Variants in ABCG1 observed in about 807,000 individuals in gnomAD.
ABCG1 encodes the protein ATP binding cassette subfamily G member 1.
ABCG1 carries 29 observed loss-of-function variants against 69.2 expected under a neutral mutation model. The observed-to-expected ratio is 0.42, with a 90% CI of 0.31 to 0.57. ABCG1 has a LOEUF of 0.57. ABCG1 is among the 20% of genes least tolerant of loss of function. The pLI is 0.15. For synonymous variants in ABCG1, 370 were observed against 374.8 expected (o/e 0.99, Z 0.15); for missense variants, 718 against 898.1 (o/e 0.80, Z 2.56).
chr21:42,238,340 C>T (rs963230716), intron 2 of ABCG1, among the ~76,000 whole-genome samples: 1 of 152,194 alleles, frequency 6.6e-6, no homozygotes, highest in Non-Finnish European at 1.5e-5. Flanking sequence ...ACACTCTGAG[C>T]TCTGTGCTTT....
chr21:42,285,835 G>A (rs369481181), intron 7 of ABCG1, 45 bp from the exon 8 acceptor site: 94 of 1,371,252 alleles, frequency 6.9e-5, no homozygotes, highest in Non-Finnish European at 8.2e-5. Flanking sequence ...GTTGCCTTCC[G>A]AGGAAGGCAG....
At chr21:42,237,219 C>T (rs767096459) in intron 2 of ABCG1, among the ~76,000 whole-genome samples, 1 of 152,236 alleles carries the variant, frequency 6.6e-6, no homozygotes, top group African/African-American at 2.4e-5. Flanking sequence ...TCTGAGTTGG[C>T]TAAGTCTCTA....
At chr21:42,252,208 A>G (rs1012164004) in intron 2 of ABCG1, among the ~76,000 whole-genome samples, 7 of 152,118 alleles carry the variant, frequency 4.6e-5, no homozygotes, top group Non-Finnish European at 2.9e-5. Context: ...GTTCAGGGAG[A>G]GCAATAAGAC....
chr21:42,270,633 T>C (rs887000009), intron 2 of ABCG1, among the ~76,000 whole-genome samples: 1 of 152,234 alleles, frequency 6.6e-6, no homozygotes. Context: ...GAATTATTAA[T>C]TAAAACAGAC....
intron 2 of ABCG1, 121 bp downstream of exon 2, chr21:42,226,035 C>A: frequency 8.7e-7 from 1 of 1,154,124 alleles, no homozygotes. Flanking sequence ...CCAACGCCGT[C>A]ACTGCTGTGG....
chr21:42,282,675 G>T (rs570055076), intron 6 of ABCG1, among the ~76,000 whole-genome samples: 2 of 152,230 alleles, frequency 1.3e-5, no homozygotes, highest in Non-Finnish European at 2.9e-5. Flanking sequence ...GTCCTTTCAC[G>T]ATGCATATCT....
At chr21:42,269,828 G>A (rs567053847) in intron 2 of ABCG1, among the ~76,000 whole-genome samples, 3 of 152,306 alleles carry the variant, frequency 2.0e-5, no homozygotes, top group East Asian at 1.9e-4. Context: ...GCTGGGGACC[G>A]GGAGAAAGTC....
intron 2 of ABCG1, among the ~76,000 whole-genome samples, chr21:42,234,621 C>T (rs1405224633): frequency 6.6e-6 from 1 of 152,228 alleles, no homozygotes; most frequent in Non-Finnish European, 1.5e-5. Context: ...GTGCAGGCTC[C>T]CGGAAGGCCG....
intron 1 of ABCG1, among the ~76,000 whole-genome samples, chr21:42,224,899 A>T (rs932349990): frequency 1.3e-5 from 2 of 151,956 alleles, no homozygotes; most frequent in South Asian, 4.1e-4. Flanking sequence ...AATGGTAGCT[A>T]CAAAAGATTA....
At chr21:42,259,861 G>A (rs2123684538) in intron 2 of ABCG1, 1 of 1,423,984 alleles carries the variant, frequency 7.0e-7, no homozygotes, top group East Asian at 2.5e-5. Flanking sequence ...AGGGGAGAGA[G>A]AGGCCAATGG....
intron 2 of ABCG1, among the ~76,000 whole-genome samples, chr21:42,233,513 C>A (rs2067931377): frequency 6.6e-6 from 1 of 152,224 alleles, no homozygotes; most frequent in African/African-American, 2.4e-5. Context: ...GAGCTGCAAT[C>A]TGTATTTGAG....
intron 2 of ABCG1, among the ~76,000 whole-genome samples, chr21:42,252,207 G>A (rs896518619): frequency 1.3e-5 from 2 of 152,352 alleles, no homozygotes; most frequent in South Asian, 2.1e-4. Flanking sequence ...TGTTCAGGGA[G>A]AGCAATAAGA....
chr21:42,280,687 C>T (rs73364612), intron 5 of ABCG1, among the ~76,000 whole-genome samples: 5,007 of 152,300 alleles, frequency 0.033, 267 homozygotes, highest in African/African-American at 0.11. Flanking sequence ...GCACCCACAG[C>T]GGCCTCCGCT....
intron 2 of ABCG1, among the ~76,000 whole-genome samples, chr21:42,265,816 T>C (rs1337558041): frequency 6.6e-6 from 1 of 152,174 alleles, no homozygotes; most frequent in African/African-American, 2.4e-5. Context: ...TTTCTCCACC[T>C]CTACAGTCAG....
intron 2 of ABCG1, among the ~76,000 whole-genome samples, chr21:42,266,742 G>T (rs2068512298): frequency 6.6e-6 from 1 of 152,156 alleles, no homozygotes; most frequent in South Asian, 2.1e-4. Context: ...TAGAGCATTT[G>T]CTTCCTTTCT....
chr21:42,200,038 T>C (rs1349266805), intron 1 of ABCG1, among the ~76,000 whole-genome samples: 1 of 152,168 alleles, frequency 6.6e-6, no homozygotes, highest in Non-Finnish European at 1.5e-5. Context: ...CACCAAATAT[T>C]GGTGAGCTGC....
At chr21:42,212,664 T>C (rs2067600025), upstream of ABCG1, among the ~76,000 whole-genome samples, 1 of 152,116 alleles carries the variant, frequency 6.6e-6, no homozygotes, top group African/African-American at 2.4e-5. Flanking sequence ...CTCCACTGCT[T>C]ATGGTAAAAT....
chr21:42,233,566 G>A (rs899297671), intron 2 of ABCG1, among the ~76,000 whole-genome samples: 1 of 152,214 alleles, frequency 6.6e-6, no homozygotes, highest in Non-Finnish European at 1.5e-5. Context: ...TTGAAACTCC[G>A]TAGACCAAGT....
intron 5 of ABCG1, among the ~76,000 whole-genome samples, chr21:42,278,456 T>G (rs1401881469): frequency 6.6e-6 from 1 of 152,062 alleles, no homozygotes; most frequent in Non-Finnish European, 1.5e-5. Flanking sequence ...ACAGAAGTAA[T>G]GAAGTTAAAA....
Sources: gnomAD v4.1 joint callset for allele counts (sites outside exome capture counted in the v4.1 genomes callset) on GRCh38, gnomAD v4.1.1 for gene constraint, MANE v1.5 for transcripts, NCBI Gene and HGNC (gene_info 2026-07-23, HGNC 2026-07-21) for gene names.